The following ANKRD31 variants were observed in gnomAD, a reference collection of about 807,000 sequenced individuals.
ANKRD31 encodes ankyrin repeat domain 31.
A neutral mutation model predicts 186.0 loss-of-function variants in ANKRD31; 147 were observed. That is an observed-to-expected ratio of 0.79 (90% confidence interval 0.69 to 0.91). The LOEUF (loss-of-function observed/expected upper bound fraction) is 0.91. ANKRD31 is among the 40% of genes least tolerant of loss of function. ANKRD31 has a pLI of 0.00. For synonymous variants in ANKRD31, 673 were observed against 736.4 expected (o/e 0.91, Z 1.39); for missense variants, 1,986 against 2,148.8 (o/e 0.92, Z 1.50).
At chr5:75,138,084 T>C in intron 16 of ANKRD31, 86 bp from the exon 17 acceptor site, 1 of 1,195,350 alleles carries the variant, frequency 8.4e-7, no homozygotes, top group East Asian at 2.6e-5. Context: ...TTTTGTTGCA[T>C]TAATGCAATA....
rs997117147 is a variant in ANKRD31, at chr5:75,087,541, T to C, written c.5473-3167A>G. ...AAAAAAAAGAAAGAAAAGAAATCTG[T>C]TCATGGATGATCAAATAACTACTTT... On this transcript the variant is annotated intron_variant, in intron 23 of 25. Transcript: ENST00000506364. Among the ~76,000 whole-genome samples, 4 of 151,984 alleles carry C rather than the reference T, an allele frequency of 2.6e-5. No homozygotes were observed. In the East Asian group the frequency reaches 7.7e-4, roughly 29 times the overall value.
chr5:75,095,682 G>C lies in ANKRD31; in HGVS notation c.5332-4281C>G, dbSNP rs539544549. ...ATCAGATTGCAAGGCTTGGGTTTGA[G>C]TAATCTTTATTTAATAACATCCCAA... On this transcript the variant is annotated intron_variant, in intron 22 of 25. Transcript: ENST00000506364. Among the ~76,000 whole-genome samples, 3 of 152,210 alleles carry C rather than the reference G, an allele frequency of 2.0e-5. No individual in the cohort carries two copies. In the South Asian group the frequency reaches 6.2e-4, roughly 32 times the overall value.
At chr5:75,235,664 C>A (rs912802704) in intron 1 of ANKRD31, among the ~76,000 whole-genome samples, 4 of 152,154 alleles carry the variant, frequency 2.6e-5, no homozygotes, top group Non-Finnish European at 5.9e-5. Flanking sequence ...CTGGCCCTAG[C>A]CTCAGAGCAG....
intron 17 of ANKRD31, among the ~76,000 whole-genome samples, chr5:75,132,383 G>A (rs1749936140): frequency 6.6e-6 from 1 of 152,176 alleles, no homozygotes; most frequent in African/African-American, 2.4e-5. Flanking sequence ...ACAAGCTTCA[G>A]TAGCCCATTC....
At chr5:75,143,844 T>C (rs761015972) in intron 15 of ANKRD31, among the ~76,000 whole-genome samples, 157 bp downstream of exon 15, 2 of 152,154 alleles carry the variant, frequency 1.3e-5, no homozygotes, top group Non-Finnish European at 2.9e-5. Flanking sequence ...TATCAAGTGA[T>C]GCCTTAACAA....
intron 4 of ANKRD31, among the ~76,000 whole-genome samples, chr5:75,209,778 G>A (rs1017745033): frequency 2.0e-5 from 3 of 152,118 alleles, no homozygotes; most frequent in Non-Finnish European, 4.4e-5. Context: ...ACTCAAAGGT[G>A]GAGACTTACT....
At chr5:75,199,719 T>A in intron 5 of ANKRD31, 45 bp from the exon 6 acceptor site, 1 of 1,459,214 alleles carries the variant, frequency 6.9e-7, no homozygotes, top group Non-Finnish European at 9.2e-7. Context: ...ATGGAAGCAC[T>A]AAAAACATAC....
chr5:75,208,068 T>TTA, intron 4 of ANKRD31, among the ~76,000 whole-genome samples: 1 of 152,196 alleles, frequency 6.6e-6, no homozygotes, highest in South Asian at 2.1e-4. Context: ...TTTTCCAAAA[T>TTA]GAAAAAAATT....
chr5:75,070,546 G>C (rs949098450), intron 25 of ANKRD31, among the ~76,000 whole-genome samples: 14 of 152,192 alleles, frequency 9.2e-5, no homozygotes, highest in African/African-American at 3.4e-4. Flanking sequence ...TTCTGCCAGA[G>C]TGCCCTCCCA....
chr5:75,180,684 T>G (rs1451177603), intron 10 of ANKRD31, among the ~76,000 whole-genome samples: 3 of 152,160 alleles, frequency 2.0e-5, no homozygotes, highest in Non-Finnish European at 2.9e-5. Context: ...TAGCCATATG[T>G]AGAAAGCTGA....
chr5:75,149,343 AAC>A (rs1475417494), intron 12 of ANKRD31, among the ~76,000 whole-genome samples: 1 of 151,986 alleles, frequency 6.6e-6, no homozygotes, highest in Admixed American at 6.6e-5. Flanking sequence ...TGTGATACAT[AAC>A]ACAAATTTCC....
chr5:75,205,299 C>T (rs1356111477), intron 5 of ANKRD31, among the ~76,000 whole-genome samples: 1 of 152,158 alleles, frequency 6.6e-6, no homozygotes, highest in African/African-American at 2.4e-5. Flanking sequence ...CTCTAAATTC[C>T]TGGGTTTTTA....
chr5:75,152,079 A>G (rs1751879247), intron 12 of ANKRD31, among the ~76,000 whole-genome samples: 1 of 152,050 alleles, frequency 6.6e-6, no homozygotes, highest in Non-Finnish European at 1.5e-5. Context: ...CCTCATAGGC[A>G]GCTCTCTGAA....
intron 11 of ANKRD31, among the ~76,000 whole-genome samples, chr5:75,156,334 T>C (rs1580448444): frequency 1.3e-5 from 2 of 152,324 alleles, no homozygotes; most frequent in Admixed American, 1.3e-4. Flanking sequence ...TGTGTATGTA[T>C]GTGTGCATGT....
Position 75,195,992 on chromosome 5 carries a change from G to A in ANKRD31, c.656C>T (p.Thr219Ile), listed in dbSNP as rs566821164. ...TAAACTTTCTAAGGCAGACACAAAG[G>A]TTTCAAGAGAGCTTTCTTCATCCTT... The part of the protein sequence containing the change: ...ETKDEESSLE[T>I]FVSALESLLT... Residue 219 changes from threonine to isoleucine, a missense_variant, in exon 7 of 26, where the codon ACC (threonine) becomes ATC (isoleucine). By Grantham distance (89) the Thr-to-Ile change is moderately conservative. Coordinates refer to ENST00000506364, the MANE Select transcript of ANKRD31 (RefSeq NM_001372053.1). 104 of 1,532,180 alleles carry A rather than the reference G, an allele frequency of 6.8e-5. No individual in the cohort carries two copies. In the South Asian group the frequency reaches 1.2e-3, roughly 17 times the overall value. The allele number at this position is 1,532,180 out of a possible 1,614,324, so 94.9% of individuals were successfully genotyped here. A position where few individuals can be genotyped will look rare whatever the true frequency, so the allele number is the denominator to read the frequency against.
At chr5:75,070,507 G>C (rs1744138447) in intron 25 of ANKRD31, among the ~76,000 whole-genome samples, 1 of 152,130 alleles carries the variant, frequency 6.6e-6, no homozygotes, top group Admixed American at 6.5e-5. Flanking sequence ...TGAGTTGAGG[G>C]GTCTGTAAAC....
chr5:75,077,584 T>C (rs1006832725), intron 25 of ANKRD31, among the ~76,000 whole-genome samples: 12 of 152,278 alleles, frequency 7.9e-5, no homozygotes, highest in African/African-American at 2.4e-4. Flanking sequence ...GTGTTCAGGT[T>C]TTTTTGTGTA....
chr5:75,219,644 T>C (rs1757167031), intron 3 of ANKRD31, among the ~76,000 whole-genome samples: 1 of 152,114 alleles, frequency 6.6e-6, no homozygotes, highest in Non-Finnish European at 1.5e-5. Context: ...AAAAAAACTA[T>C]TCTAAAATTC....
intron 20 of ANKRD31, among the ~76,000 whole-genome samples, chr5:75,108,286 T>A (rs1034606064): frequency 4.6e-5 from 7 of 152,120 alleles, no homozygotes; most frequent in Non-Finnish European, 7.4e-5. Context: ...TTGTACTATA[T>A]GATACCTAAG....
Sources: allele counts gnomAD v4.1 joint callset (sites outside exome capture counted in the v4.1 genomes callset), GRCh38; gene constraint gnomAD v4.1.1; transcripts MANE v1.5; gene names NCBI Gene and HGNC (gene_info 2026-07-23, HGNC 2026-07-21).